Variants in TTN observed in about 807,000 individuals in gnomAD.
The protein encoded by TTN is connectin.
A neutral mutation model predicts 3,223.0 loss-of-function variants in TTN; 1,525 were observed. That is an observed-to-expected ratio of 0.47 (90% CI 0.45 to 0.49). The LOEUF (loss-of-function observed/expected upper bound fraction) is 0.49. TTN is among the 20% of genes least tolerant of loss of function. The pLI is 0.00. For missense variants in TTN, 40,786 were observed against 43,424.0 expected, an observed-to-expected ratio of 0.94 and a Z score of 5.40; for synonymous variants, 14,094 against 15,161.0, an observed-to-expected ratio of 0.93 and a Z score of 5.17.
chr2:178,590,401 C>A lies in TTN; in HGVS notation c.61324G>T (p.Glu20442Ter), dbSNP rs751412533. The change falls in exon 304 of 363, where the codon GAG (glutamate) becomes TAG (stop). Residue 20442 changes from glutamate to a stop codon, truncating the protein, a stop_gained. Coordinates refer to ENST00000589042, the MANE Select transcript of TTN (RefSeq NM_001267550.2). LOFTEE classifies it high-confidence loss of function. ...GCTGCCTTTATACGGAATCTGTACT[C>A]ATTTCCTTCAATTAGTCCAGGTACC... ...FRVPGLIEGN[E>*]YRFRIKAANI... 6.2e-7 allele frequency: 1 copy of A among 1,606,352 alleles called. No homozygotes were observed. Among genetic ancestry groups the A allele is most frequent in the Non-Finnish European group, 8.5e-7 (1 of 1,176,754 alleles).
rs750948702 is a variant in TTN, at chr2:178,539,045, G to A, written c.98890C>T (p.Pro32964Ser). The change falls in exon 353 of 363, where the codon CCC becomes TCC. Residue 32964 changes from proline (P) to serine (S), a missense_variant. Physicochemically the swap from Pro to Ser is moderately conservative, Grantham distance 74 (BLOSUM62 -1). Coordinates refer to ENST00000589042, the MANE Select transcript of TTN (RefSeq NM_001267550.2). ...TTMYTVTGLV[P>S]DAEYQFRIIA... Reference sequence around the variant, plus strand: ...ATGCGGAACTGATACTCAGCATCGGGAACAAGCCCTGTGACAGTGTACATT... The same window carrying A: ...ATGCGGAACTGATACTCAGCATCGGAAACAAGCCCTGTGACAGTGTACATT... 4 of 1,613,792 alleles carry A rather than the reference G, an allele frequency of 2.5e-6. No individual in the cohort carries two copies. Among genetic ancestry groups the A allele is most frequent in the Non-Finnish European group, 3.4e-6 (4 of 1,179,736 alleles).
At chr2:178,744,333 T>G in intron 47 of TTN, 2 of 964,410 alleles carry the variant, frequency 2.1e-6, no homozygotes, top group Non-Finnish European at 2.5e-6. Flanking sequence ...TAATTACTAT[T>G]AGCTTAACAC....
intron 110 of TTN, 71 bp from the exon 111 acceptor site, chr2:178,701,274 C>G: frequency 7.2e-7 from 1 of 1,396,732 alleles, no homozygotes; most frequent in African/African-American, 1.4e-5. Context: ...TGAAAAGTCT[C>G]ATGCATTTCT....
chr2:178,671,872 A>G (rs886398645), intron 155 of TTN, 99 bp downstream of exon 155: 2 of 1,282,858 alleles, frequency 1.6e-6, no homozygotes, highest in South Asian at 1.4e-5. Context: ...AAAGTATTTC[A>G]TGGGGTTTCT....
At chr2:178,600,345 T>G (rs1024685692) in intron 288 of TTN, 1 of 149,738 alleles carries the variant, frequency 6.7e-6, no homozygotes, top group African/African-American at 2.5e-5. Context: ...TTCTTCACAC[T>G]TAGATGAGAG....
At chr2:178,596,889 AGAG>A (rs2051809581) in intron 294 of TTN, among the ~76,000 whole-genome samples, 1 of 152,108 alleles carries the variant, frequency 6.6e-6, no homozygotes, top group Admixed American at 6.5e-5. Flanking sequence ...AAAGCCTCAT[AGAG>A]TTCAACTCTA....
At chr2:178,782,503 G>A (rs1337320217) in intron 19 of TTN, 36 bp downstream of exon 19, 10 of 1,613,630 alleles carry the variant, frequency 6.2e-6, no homozygotes, top group Non-Finnish European at 7.6e-6. Context: ...AGTCAAAATG[G>A]TACTAGAACA....
chr2:178,717,504 G>T lies in TTN; in HGVS notation c.25351+19C>A. 1.3e-6 allele frequency: 2 copies of T among 1,582,606 alleles called. No homozygotes were observed. Among genetic ancestry groups the T allele is most frequent in the Non-Finnish European group, 1.7e-6 (2 of 1,164,630 alleles). On this transcript the variant is annotated intron_variant, in intron 87 of 362. Transcript: ENST00000589042. Reference sequence around the variant, plus strand: ...AGTGAAGCTGCTTTACAATGAAGAGGGTACTGTGAGTTACTCACCTGAGAG... The same window carrying T: ...AGTGAAGCTGCTTTACAATGAAGAGTGTACTGTGAGTTACTCACCTGAGAG...
At position 178,592,632 on chromosome 2, in the gene TTN, G is replaced by A; in HGVS notation, c.59373C>T (p.Asn19791=). 6.2e-7 allele frequency: 1 copy of A among 1,613,236 alleles called. No individual in the cohort carries two copies. The highest frequency in any genetic ancestry group is 1.1e-5 in the South Asian group (1 of 91,054). The change falls in exon 301 of 363, where the codon AAC becomes AAT. Residue 19791 remains asparagine, a synonymous_variant. Transcript: ENST00000589042. ...CTTTAATGTGTTGTTCTCTTGCCAT[G>A]TTGGCATCAAGAATCAACTCAGGGG... ...LEPPELILDA[N]MAREQHIKVG...
chr2:178,637,284 T>A, intron 224 of TTN, 85 bp downstream of exon 224: 1 of 914,144 alleles, frequency 1.1e-6, no homozygotes, highest in East Asian at 3.4e-5. Context: ...TGTTATGAAT[T>A]TTGAAATTTT....
chr2:178,566,984 G>T lies in TTN; in HGVS notation c.79148C>A (p.Pro26383Gln), dbSNP rs1377015752. Residue 26383 changes from proline to glutamine, a missense_variant, in exon 326 of 363, where the codon CCA (proline) becomes CAA (glutamine). Physicochemically the swap from Pro to Gln is moderately conservative, Grantham distance 76. Coordinates refer to ENST00000589042, the MANE Select transcript of TTN (RefSeq NM_001267550.2). ...TTTTGGTGGTCCAGGAAGCACAAAT[G>T]GATTTTTCATTAGTACTGGTGCAGA... ...LESAPVLMKN[P>Q]FVLPGPPKSL... 6.2e-7 allele frequency: 1 copy of T among 1,613,420 alleles called. No homozygotes were observed. The highest frequency in any genetic ancestry group is 1.3e-5 in the African/African-American group (1 of 74,858).
intron 257 of TTN, 115 bp from the exon 258 acceptor site, chr2:178,615,903 A>AT: frequency 2.6e-6 from 3 of 1,150,818 alleles, no homozygotes; most frequent in Non-Finnish European, 3.6e-6. Flanking sequence ...GCTAGGGATT[A>AT]TTCTTACATT....
rs2154135333 is a variant in TTN at position 178,533,701 on chromosome 2, T to C, written c.102914A>G (p.Lys34305Arg). The stretch of plus-strand genomic sequence containing the variant: ...CTTGTCTGACTCAAATGTGTACTTC[T>C]TGTCATTGTCACCTGGTTTGATTTT... Reference protein sequence around the residue: ...GQKIKPGDNDKKYTFESDKGL... With the variant: ...GQKIKPGDNDRKYTFESDKGL... Residue 34305 changes from lysine to arginine, a missense_variant, in exon 358 of 363, where the codon AAG (lysine) becomes AGG (arginine). Physicochemically the swap from Lys to Arg is conservative, Grantham distance 26. Coordinates refer to ENST00000589042, the MANE Select transcript of TTN (RefSeq NM_001267550.2). The C allele has an allele frequency of 6.2e-7, 1 of 1,613,982 alleles. No homozygotes were observed. The highest frequency in any genetic ancestry group is 8.5e-7 in the Non-Finnish European group (1 of 1,179,868).
chr2:178,589,329 G>A lies in TTN; in HGVS notation c.62396C>T (p.Pro20799Leu). Residue 20799 changes from proline to leucine, a missense_variant, in exon 304 of 363, where the codon CCA becomes CTA. Physicochemically the swap from Pro to Leu is moderately conservative, Grantham distance 98. Transcript: ENST00000589042. Reference sequence around the variant, plus strand: ...TTTGTCCTTGGTCCATGCAACTTCTGGGAATGGTTTGCCTCTAACCCCTGC... The same window carrying A: ...TTTGTCCTTGGTCCATGCAACTTCTAGGAATGGTTTGCCTCTAACCCCTGC... ...LEAGVRGKPF[P>L]EVAWTKDKDA... is the part of the protein sequence containing the mutation. The A allele has an allele frequency of 6.2e-7, 1 of 1,612,770 alleles. No homozygotes were observed. Among genetic ancestry groups the A allele is most frequent in the Non-Finnish European group, 8.5e-7 (1 of 1,179,154 alleles).
intron 1 of TTN, among the ~76,000 whole-genome samples, chr2:178,806,244 A>G (rs1484416176): frequency 6.6e-6 from 1 of 152,164 alleles, no homozygotes; most frequent in African/African-American, 2.4e-5. Context: ...TATCTTTGGG[A>G]TGAACAACTT....
intron 288 of TTN, 133 bp from the exon 289 acceptor site, chr2:178,599,983 G>A (rs1426809525): frequency 3.6e-6 from 3 of 831,580 alleles, no homozygotes; most frequent in Non-Finnish European, 5.3e-6. Context: ...ATAAAGAATG[G>A]TTCTGTCTTT....
At position 178,766,564 on chromosome 2, in the gene TTN, C is replaced by A; in HGVS notation, c.9520G>T (p.Asp3174Tyr). The A allele has an allele frequency of 6.2e-7, 1 of 1,614,060 alleles. No homozygotes were observed. The highest frequency in any genetic ancestry group is 8.5e-7 in the Non-Finnish European group (1 of 1,179,986). ...TCTTTATACCAGTGGGCATCAACAT[C>A]GTCTTCATTGACCTCAAATTCAACA... ...AVVEFEVNED[D>Y]VDAHWYKDGI... The change falls in exon 41 of 363, where the codon GAT becomes TAT. Residue 3174 changes from aspartate (D) to tyrosine (Y), a missense_variant. Transcript: ENST00000589042.
Position 178,576,442 on chromosome 2 carries a change from GTATA to G in TTN, c.69716-30_69716-27del. 1 of 1,585,192 alleles carries G rather than the reference GTATA, an allele frequency of 6.3e-7. No homozygotes were observed. The highest frequency in any genetic ancestry group is 8.5e-7 in the Non-Finnish European group (1 of 1,172,416). The stretch of plus-strand genomic sequence containing the variant: ...CTGAGAAAGAAACAAAGACACAAAA[GTATA>G]TATTCAGAGTTTGGCTTTTGGGTAA... On this transcript the variant is annotated intron_variant, in intron 325 of 362. Transcript: ENST00000589042. The surrounding 1 kb of genome is among the most constrained non-coding windows in gnomAD (Gnocchi z 4.3).
chr2:178,575,741 C>T lies in TTN; in HGVS notation c.70391G>A (p.Gly23464Asp), dbSNP rs549938348. 1 of 1,613,516 alleles carries T rather than the reference C, an allele frequency of 6.2e-7. No individual in the cohort carries two copies. Among genetic ancestry groups the T allele is most frequent in the African/African-American group, 1.3e-5 (1 of 74,998 alleles). Residue 23464 changes from glycine (G) to aspartate (D), a missense_variant, in exon 326 of 363, where the codon GGC (glycine) becomes GAC (aspartate). Physicochemically the swap from Gly to Asp is moderately conservative, Grantham distance 94 (BLOSUM62 -1). Coordinates refer to ENST00000589042, the MANE Select transcript of TTN (RefSeq NM_001267550.2). This position sits in a 1 kb window ranked among gnomAD's most constrained non-coding sequence, Gnocchi z 4.0. The stretch of plus-strand genomic sequence containing the variant: ...TACAATGTAGTTTGTTATACGTGAG[C>T]CTCCATCTATCAGAGGGAGGTCCCA... ...LHWDLPLIDGGSRITNYIVEK... is the reference protein window; with the variant it reads ...LHWDLPLIDGDSRITNYIVEK...
Sources: gnomAD v4.1 joint callset for allele counts (sites outside exome capture counted in the v4.1 genomes callset) on GRCh38, gnomAD v4.1.1 for gene constraint, Gnocchi (gnomAD v3.1) non-coding constraint, MANE v1.5 for transcripts, NCBI Gene and HGNC (gene_info 2026-07-23, HGNC 2026-07-21) for gene names.